Variants in RB1CC1 observed in about 807,000 individuals in gnomAD.
RB1CC1 encodes the protein RB1 inducible coiled-coil 1, also known as RB1-inducible coiled-coil protein 1.
A neutral mutation model predicts 177.5 loss-of-function variants in RB1CC1; 46 were observed. That is an observed-to-expected ratio of 0.26 (90% confidence interval 0.20 to 0.33). The LOEUF (loss-of-function observed/expected upper bound fraction) is 0.33. RB1CC1 is among the 10% of genes least tolerant of loss of function. The pLI is 1.00. For synonymous variants in RB1CC1, 666 were observed against 613.6 expected (o/e 1.09, Z -1.26); for missense variants, 1,703 against 1,816.3 (o/e 0.94, Z 1.13).
chr8:52,683,038 A>G (rs1853911105), intron 5 of RB1CC1, among the ~76,000 whole-genome samples: 1 of 152,196 alleles, frequency 6.6e-6, no homozygotes, highest in Admixed American at 6.5e-5. Context: ...CTTACCACTG[A>G]TAGCTTAATG....
At chr8:52,695,561 G>T (rs891056744) in intron 1 of RB1CC1, among the ~76,000 whole-genome samples, 1 of 152,178 alleles carries the variant, frequency 6.6e-6, no homozygotes, top group Non-Finnish European at 1.5e-5. Context: ...CTCCAGAAAG[G>T]GCTAGAGACT....
intron 16 of RB1CC1, among the ~76,000 whole-genome samples, chr8:52,643,880 T>C (rs990135939): frequency 2.6e-5 from 4 of 151,946 alleles, no homozygotes; most frequent in East Asian, 3.9e-4. Flanking sequence ...ATGCTGGCAA[T>C]AGGGAGATTT....
At chr8:52,644,600 C>G (rs1338302960) in intron 16 of RB1CC1, among the ~76,000 whole-genome samples, 1 of 152,158 alleles carries the variant, frequency 6.6e-6, no homozygotes, top group African/African-American at 2.4e-5. Context: ...TCCCTGAACA[C>G]TTAACTTTCC....
chr8:52,642,399 T>C lies in RB1CC1; in HGVS notation c.4289A>G (p.Asp1430Gly). ...CATTGCTGAATCCACTCTTCCTTCA[T>C]CTGCTGTTTCCACAGCGGATCTATC... is the stretch of plus-strand genomic sequence containing the variant. Reference protein sequence around the residue: ...ESDRSAVETADEGRVDSAMET... With the variant: ...ESDRSAVETAGEGRVDSAMET... The change falls in exon 18 of 24, where the codon GAT becomes GGT. Residue 1430 changes from aspartate to glycine, a missense_variant. Transcript: ENST00000025008. 6.2e-7 allele frequency: 1 copy of C among 1,614,116 alleles called. No individual in the cohort carries two copies. The highest frequency in any genetic ancestry group is 8.5e-7 in the Non-Finnish European group (1 of 1,179,970).
chr8:52,710,341 G>A (rs758391876), intron 1 of RB1CC1, among the ~76,000 whole-genome samples: 4 of 152,118 alleles, frequency 2.6e-5, no homozygotes, highest in African/African-American at 4.8e-5. Flanking sequence ...AGAATGAAGC[G>A]AGCATTTAGA....
intron 16 of RB1CC1, among the ~76,000 whole-genome samples, chr8:52,644,269 G>A (rs545815464): frequency 2.2e-4 from 33 of 152,154 alleles, no homozygotes; most frequent in Middle Eastern, 3.4e-3. Flanking sequence ...ACACATCATG[G>A]AAAATTGGAA....
At chr8:52,670,119 A>T (rs1279578758) in intron 7 of RB1CC1, among the ~76,000 whole-genome samples, 1 of 152,048 alleles carries the variant, frequency 6.6e-6, no homozygotes, top group Non-Finnish European at 1.5e-5. Context: ...TTTTGTAGAC[A>T]TGGGTATCGC....
intron 16 of RB1CC1, among the ~76,000 whole-genome samples, chr8:52,645,072 G>C (rs2150420171): frequency 6.6e-6 from 1 of 152,264 alleles, no homozygotes; most frequent in Middle Eastern, 3.4e-3. Context: ...TAAAGTACAA[G>C]CTCTCTAACA....
chr8:52,653,835 A>G (rs766488242), intron 15 of RB1CC1, among the ~76,000 whole-genome samples: 3 of 152,188 alleles, frequency 2.0e-5, no homozygotes, highest in African/African-American at 7.2e-5. Context: ...AGGGCTCAAA[A>G]AGTTTCAGAT....
intron 1 of RB1CC1, among the ~76,000 whole-genome samples, chr8:52,698,670 G>T (rs6985001): frequency 0.98 from 76,007 of 77,450 alleles, 37,323 homozygotes; most frequent in East Asian, 1. Flanking sequence ...GTAATGGTTG[G>T]TTTTTTTTTT....
chr8:52,694,259 G>A (rs1017813315), intron 1 of RB1CC1, among the ~76,000 whole-genome samples: 25 of 152,290 alleles, frequency 1.6e-4, no homozygotes, highest in Admixed American at 1.4e-3. Context: ...AGACTCAACA[G>A]GTCACGTGGT....
chr8:52,689,659 C>T (rs1480597323), intron 1 of RB1CC1, among the ~76,000 whole-genome samples: 1 of 152,158 alleles, frequency 6.6e-6, no homozygotes, highest in Non-Finnish European at 1.5e-5. Flanking sequence ...TCATCCTCTA[C>T]CCCTCCCCCA....
chr8:52,631,971 C>T (rs1162606446), intron 20 of RB1CC1, among the ~76,000 whole-genome samples: 1 of 152,144 alleles, frequency 6.6e-6, no homozygotes, highest in African/African-American at 2.4e-5. Context: ...CTTTTCTCAT[C>T]TTCAATGAAA....
chr8:52,656,441 T>C lies in RB1CC1; in HGVS notation c.3388A>G (p.Thr1130Ala). ...GAAATACACTGATCTTTTTCAATTG[T>C]CATTAAAGTTCTTAGCTCTGCTAAG... is the stretch of plus-strand genomic sequence containing the variant. The part of the protein sequence containing the change: ...VGLAELRTLM[T>A]IEKDQCISEL... The change falls in exon 15 of 24, where the codon ACA (threonine) becomes GCA (alanine). Residue 1130 changes from threonine (T) to alanine (A), a missense_variant. Transcript: ENST00000025008. 2 of 1,611,510 alleles carry C rather than the reference T, an allele frequency of 1.2e-6. No homozygotes were observed. Among genetic ancestry groups the C allele is most frequent in the South Asian group, 2.2e-5 (2 of 90,930 alleles).
At chr8:52,682,968 T>C (rs563571421) in intron 5 of RB1CC1, among the ~76,000 whole-genome samples, 1 of 152,292 alleles carries the variant, frequency 6.6e-6, no homozygotes, top group Admixed American at 6.5e-5. Context: ...TTACAAAAGG[T>C]AAATACTATT....
chr8:52,681,704 G>A (rs1853737343), intron 5 of RB1CC1, among the ~76,000 whole-genome samples: 1 of 152,210 alleles, frequency 6.6e-6, no homozygotes, highest in Non-Finnish European at 1.5e-5. Flanking sequence ...GCCAAGACAG[G>A]AGGATCATTT....
chr8:52,673,098 CTAAA>C (rs1417172593), intron 7 of RB1CC1, among the ~76,000 whole-genome samples: 1 of 152,184 alleles, frequency 6.6e-6, no homozygotes, highest in Non-Finnish European at 1.5e-5. Flanking sequence ...CTATCCTGCT[CTAAA>C]TAGTGAATCA....
intron 8 of RB1CC1, among the ~76,000 whole-genome samples, chr8:52,666,921 G>C (rs1260255866): frequency 1.3e-5 from 2 of 152,200 alleles, no homozygotes; most frequent in Non-Finnish European, 2.9e-5. Flanking sequence ...ATCACTGAAA[G>C]AGAAGGAAAA....
chr8:52,686,996 GA>G (rs1229615622), intron 1 of RB1CC1, 29 bp from the exon 2 acceptor site: 1 of 455,216 alleles, frequency 2.2e-6, no homozygotes, highest in African/African-American at 2.0e-5. Flanking sequence ...TGGTTATAAA[GA>G]GAAACAATTC....
Sources: gnomAD v4.1 joint callset for allele counts (sites outside exome capture counted in the v4.1 genomes callset) on GRCh38, gnomAD v4.1.1 for gene constraint, MANE v1.5 for transcripts, NCBI Gene and HGNC (gene_info 2026-07-23, HGNC 2026-07-21) for gene names.